Variants in CRIPT observed in about 807,000 individuals in gnomAD.
CRIPT encodes the protein CXXC repeat containing interactor of PDZ3 domain.
In CRIPT, 20 loss-of-function variants were observed where a neutral mutation model predicts 16.6. The observed-to-expected ratio is 1.20, with a 90% CI of 0.85 to 1.75. The LOEUF (loss-of-function observed/expected upper bound fraction) is 1.75, where lower values mean the gene tolerates loss of function less well. Ranked by LOEUF, CRIPT falls within the 40% of genes most tolerant of loss-of-function variation. CRIPT has a pLI of 0.00. For synonymous variants in CRIPT, 42 were observed against 37.0 expected (o/e 1.14, Z -0.49); for missense variants, 133 against 115.3 (o/e 1.15, Z -0.70).
At position 46,627,633 on chromosome 2, in the gene CRIPT, TG is replaced by T. The variant is rs1167997180; in HGVS notation, c.*3410del. On this transcript the variant is annotated 3_prime_UTR_variant, in exon 5 of 5. Transcript: ENST00000238892. ...CTAATTTTTCTATTTTTAGTAGGAA[TG>T]GGGTTTTACCATGTTGGCCAGGCTG... Among the ~76,000 whole-genome samples the T allele has an allele frequency of 6.6e-6, 1 of 151,874 alleles. No individual in the cohort carries two copies. Among genetic ancestry groups the T allele is most frequent in the Non-Finnish European group, 1.5e-5 (1 of 67,970 alleles).
At chr2:46,622,812 CA>C (rs879328286) in intron 3 of CRIPT, among the ~76,000 whole-genome samples, 54 of 136,776 alleles carry the variant, frequency 3.9e-4, no homozygotes, top group Admixed American at 4.5e-4. Flanking sequence ...GATTCAGTCT[CA>C]AAAAAAAAAA....
At chr2:46,623,246 C>T (rs538984681) in intron 3 of CRIPT, among the ~76,000 whole-genome samples, 3 of 152,208 alleles carry the variant, frequency 2.0e-5, no homozygotes, top group East Asian at 1.9e-4. Flanking sequence ...ACATGATTGT[C>T]GTCACAAAAA....
chr2:46,619,816 C>A, intron 3 of CRIPT, 135 bp downstream of exon 3: 1 of 609,312 alleles, frequency 1.6e-6, no homozygotes, highest in Non-Finnish European at 2.9e-6. Context: ...CAGAACCAAG[C>A]TATCTGTTAT....
In CRIPT at chr2:46,625,832, T is replaced by C. The variant is rs1670924976; in HGVS notation, c.*1605T>C. ...GGACCTGGTCAGAGAGCATCCCAGA[T>C]CCATTAAAGATTGGATTCATTGACT... is the stretch of plus-strand genomic sequence containing the variant. On this transcript the variant is annotated 3_prime_UTR_variant, in exon 5 of 5. Coordinates refer to ENST00000238892, the MANE Select transcript of CRIPT (RefSeq NM_014171.6). 1 of 152,186 alleles carries C rather than the reference T, an allele frequency of 6.6e-6. No homozygotes were observed. The highest frequency in any genetic ancestry group is 6.5e-5 in the Admixed American group (1 of 15,274). The allele number at this position is 152,186 out of a possible 1,614,324, so 9.4% of individuals were successfully genotyped here.
chr2:46,627,728 A>G lies in CRIPT; in HGVS notation c.*3501A>G, dbSNP rs1651029652. ...CCAAAGTGCTGGGATTACAGGCATG[A>G]GCCACTGCACCCGGCCCCTTATATT... On this transcript the variant is annotated 3_prime_UTR_variant, in exon 5 of 5. Transcript: ENST00000238892. Among the ~76,000 whole-genome samples the G allele has an allele frequency of 6.6e-6, 1 of 152,174 alleles. No homozygotes were observed. Among genetic ancestry groups the G allele is most frequent in the Admixed American group, 6.5e-5 (1 of 15,278 alleles).
chr2:46,618,631 G>A lies in CRIPT; in HGVS notation c.17-142G>A, dbSNP rs1670727748. 1.4e-5 allele frequency: 7 copies of A among 491,294 alleles called. No individual in the cohort carries two copies. In the East Asian group the frequency reaches 2.4e-4, roughly 17 times the overall value. The allele number at this position is 491,294 out of a possible 1,614,324, so 30.4% of individuals were successfully genotyped here. On this transcript the variant is annotated intron_variant, in intron 1 of 4. Transcript: ENST00000238892. ...TTGGCCACAGTTAATATGAGTCTCA[G>A]TTGATTGGCTGCTCTCCCAGCATTA...
chr2:46,619,922 AT>A (rs772198406), intron 3 of CRIPT, among the ~76,000 whole-genome samples: 6 of 152,182 alleles, frequency 3.9e-5, no homozygotes, highest in South Asian at 4.1e-4. Flanking sequence ...CATGACTTTT[AT>A]TTTATCTCCT....
chr2:46,619,295 A>G (rs1670747758), intron 2 of CRIPT, among the ~76,000 whole-genome samples: 1 of 152,122 alleles, frequency 6.6e-6, no homozygotes, highest in South Asian at 2.1e-4. Context: ...TATGTTTTCA[A>G]TGGGTAGAAA....
rs1261379386 is a variant in CRIPT, at chr2:46,625,170, C to T, written c.*943C>T. 6.7e-6 allele frequency: 1 copy of T among 149,294 alleles called. No homozygotes were observed. The allele number at this position is 149,294 out of a possible 1,614,324, so 9.2% of individuals were successfully genotyped here. A position where few individuals can be genotyped will look rare whatever the true frequency, so the allele number is the denominator to read the frequency against. ...CTCTGCAGCCTCCATCTGCTGGGCT[C>T]AAGCAATTCTTCCCCCTCAGCCTCC... On this transcript the variant is annotated 3_prime_UTR_variant, in exon 5 of 5. Coordinates refer to ENST00000238892, the MANE Select transcript of CRIPT (RefSeq NM_014171.6).
rs1419423741 is a variant in CRIPT at position 46,625,667 on chromosome 2, A to T, written c.*1440A>T. On this transcript the variant is annotated 3_prime_UTR_variant, in exon 5 of 5. Transcript: ENST00000238892. ...GCTTTTCAAAATGTGTTTTTCTGAG[A>T]TACATTGTTATTTATTCATATCCAG... is the stretch of plus-strand genomic sequence containing the variant. The T allele has an allele frequency of 6.6e-6, 1 of 152,064 alleles. No individual in the cohort carries two copies. The allele number at this position is 152,064 out of a possible 1,614,324, so 9.4% of individuals were successfully genotyped here.
intron 2 of CRIPT, among the ~76,000 whole-genome samples, chr2:46,619,057 G>A (rs991292172): frequency 6.6e-6 from 1 of 152,138 alleles, no homozygotes; most frequent in Admixed American, 6.5e-5. Context: ...ATTATTAAAT[G>A]ATTGTCAAGT....
At position 46,624,148 on chromosome 2, in the gene CRIPT, C is replaced by T; in HGVS notation, c.242-15C>T. 6.5e-7 allele frequency: 1 copy of T among 1,544,294 alleles called. No individual in the cohort carries two copies. The highest frequency in any genetic ancestry group is 8.8e-7 in the Non-Finnish European group (1 of 1,139,118). ...TATTATGATTTGATTGATCACATATCTTCTTTTGTTTCAGGCATCTGTGCG... is the reference window on the plus strand; with the variant it reads ...TATTATGATTTGATTGATCACATATTTTCTTTTGTTTCAGGCATCTGTGCG... On this transcript the variant is annotated splice_polypyrimidine_tract_variant and intron_variant, in intron 4 of 4. Coordinates refer to ENST00000238892, the MANE Select transcript of CRIPT (RefSeq NM_014171.6).
chr2:46,623,019 T>C (rs1670848893), intron 3 of CRIPT, among the ~76,000 whole-genome samples: 1 of 152,030 alleles, frequency 6.6e-6, no homozygotes. Context: ...AAGTATTTCT[T>C]TTTTTCACTC....
rs1461204024 is a variant in CRIPT, at chr2:46,626,446, AT to A, written c.*2220del. ...GAACAATTTATTTTCATTTGGATTTATATCCAGTCATGGGATTGCTGGTTCA... is the reference window on the plus strand; with the variant it reads ...GAACAATTTATTTTCATTTGGATTTAATCCAGTCATGGGATTGCTGGTTCA... On this transcript the variant is annotated 3_prime_UTR_variant, in exon 5 of 5. Transcript: ENST00000238892. Among the ~76,000 whole-genome samples, 1 of 152,180 alleles carries A rather than the reference AT, an allele frequency of 6.6e-6. No homozygotes were observed. The highest frequency in any genetic ancestry group is 1.5e-5 in the Non-Finnish European group (1 of 68,040).
intron 1 of CRIPT, 40 bp downstream of exon 1, chr2:46,617,338 G>A: frequency 1.3e-6 from 2 of 1,550,352 alleles, no homozygotes; most frequent in Non-Finnish European, 1.7e-6. Context: ...AGGAGGCTGG[G>A]AGAACCTAAC....
Position 46,617,249 on chromosome 2 carries a change from GCTGT to G in CRIPT, c.-33_-30del. The G allele has an allele frequency of 6.4e-7, 1 of 1,553,338 alleles. No individual in the cohort carries two copies. Among genetic ancestry groups the G allele is most frequent in the South Asian group, 1.2e-5 (1 of 84,264 alleles). ...TTGTTTTCAGCCTGCTGCTGCTGCT[GCTGT>G]TGCGGCTAGGGGAACCGTCGTGGGG... is the stretch of plus-strand genomic sequence containing the variant. On this transcript the variant is annotated 5_prime_UTR_variant, in exon 1 of 5. Coordinates refer to ENST00000238892, the MANE Select transcript of CRIPT (RefSeq NM_014171.6).
At chr2:46,621,822 TGA>T (rs1382605303) in intron 3 of CRIPT, among the ~76,000 whole-genome samples, 1 of 152,260 alleles carries the variant, frequency 6.6e-6, no homozygotes, top group Non-Finnish European at 1.5e-5. Flanking sequence ...TATATATTAT[TGA>T]CTGACTTATT....
intron 3 of CRIPT, among the ~76,000 whole-genome samples, chr2:46,621,136 G>A (rs1025832687): frequency 6.6e-6 from 1 of 152,160 alleles, no homozygotes. Flanking sequence ...TCATAGTAAC[G>A]AGAGTGATCC....
intron 3 of CRIPT, among the ~76,000 whole-genome samples, chr2:46,621,524 T>C (rs189663639): frequency 1.3e-5 from 2 of 152,332 alleles, no homozygotes; most frequent in African/African-American, 2.4e-5. Flanking sequence ...TCTATAATAC[T>C]ACTATTTGAA....
Sources: gnomAD v4.1 joint callset for allele counts (sites outside exome capture counted in the v4.1 genomes callset) on GRCh38, gnomAD v4.1.1 for gene constraint, MANE v1.5 for transcripts, NCBI Gene and HGNC (gene_info 2026-07-23, HGNC 2026-07-21) for gene names.